CCDC7: variants seen among roughly 807,000 people sequenced by gnomAD.
CCDC7 encodes the protein coiled-coil domain-containing protein 7.
A neutral mutation model predicts 196.9 loss-of-function variants in CCDC7; 183 were observed. The observed-to-expected ratio is 0.93, with a 90% CI of 0.82 to 1.05. The LOEUF (loss-of-function observed/expected upper bound fraction) is 1.05, where lower values mean the gene tolerates loss of function less well. Ranked by LOEUF, CCDC7 falls within the 50% of genes least tolerant of loss-of-function variation. CCDC7 has a pLI of 0.00. For missense variants in CCDC7, 1,540 were observed against 1,482.2 expected (o/e 1.04, Z -0.64); for synonymous variants, 525 against 484.6 (o/e 1.08, Z -1.10).
Position 32,518,503 on chromosome 10 carries a change from G to T in CCDC7, c.991G>T (p.Glu331Ter). The T allele has an allele frequency of 6.2e-7, 1 of 1,603,844 alleles. No homozygotes were observed. The highest frequency in any genetic ancestry group is 8.5e-7 in the Non-Finnish European group (1 of 1,175,934). Residue 331 changes from glutamate (E) to a stop codon, truncating the protein, a stop_gained and splice_region_variant, in exon 11 of 42, where the codon GAG (glutamate) becomes TAG (stop). Transcript: ENST00000639629. LOFTEE classifies it high-confidence loss of function. Reference sequence around the variant, plus strand: ...TGAACTACAAAAGTTGAAGGACAAAGAGGTTGGAAAAATTTTAGTGTTTGA... The same window carrying T: ...TGAACTACAAAAGTTGAAGGACAAATAGGTTGGAAAAATTTTAGTGTTTGA...
chr10:32,681,738 T>TACACACAC (rs57829018), intron 21 of CCDC7, among the ~76,000 whole-genome samples: 4,882 of 137,544 alleles, frequency 0.035, 252 homozygotes, highest in African/African-American at 0.12. Context: ...TTTATATGTA[T>TACACACAC]ACACACACAC....
chr10:32,749,300 T>A (rs1424520895), intron 28 of CCDC7, among the ~76,000 whole-genome samples: 1 of 152,182 alleles, frequency 6.6e-6, no homozygotes, highest in Non-Finnish European at 1.5e-5. Flanking sequence ...GTTTAAAAAA[T>A]TTTTTATCTT....
chr10:32,581,973 A>G (rs1424167612), intron 16 of CCDC7, among the ~76,000 whole-genome samples: 3 of 151,690 alleles, frequency 2.0e-5, no homozygotes, highest in Non-Finnish European at 4.4e-5. Context: ...ATCAGGTTTG[A>G]GAATGAGATG....
At chr10:32,622,286 AT>A (rs144051363) in intron 18 of CCDC7, among the ~76,000 whole-genome samples, 4 of 151,684 alleles carry the variant, frequency 2.6e-5, no homozygotes, top group South Asian at 2.1e-4. Flanking sequence ...CCCTGTCTGG[AT>A]TTTTTTTTCT....
intron 30 of CCDC7, among the ~76,000 whole-genome samples, chr10:32,808,257 C>A (rs1371447803): frequency 6.6e-6 from 1 of 152,144 alleles, no homozygotes; most frequent in African/African-American, 2.4e-5. Context: ...AAAAATGCCT[C>A]CCAGGGGCCA....
At chr10:32,760,135 A>C (rs1267598249) in intron 28 of CCDC7, among the ~76,000 whole-genome samples, 1 of 152,082 alleles carries the variant, frequency 6.6e-6, no homozygotes, top group East Asian at 1.9e-4. Flanking sequence ...GAACACTTTT[A>C]CACTGTTGGT....
chr10:32,766,975 G>A (rs1201807225), intron 28 of CCDC7, among the ~76,000 whole-genome samples: 1 of 152,046 alleles, frequency 6.6e-6, no homozygotes, highest in Non-Finnish European at 1.5e-5. Context: ...AAAATTTGAT[G>A]TTTCTGTAAG....
chr10:32,688,126 G>A (rs2076673633), intron 22 of CCDC7, among the ~76,000 whole-genome samples: 1 of 152,056 alleles, frequency 6.6e-6, no homozygotes, highest in Non-Finnish European at 1.5e-5. Context: ...AGGGCACTCA[G>A]AATGAGGGGC....
At chr10:32,460,416 C>T (rs2035375285) in intron 3 of CCDC7, among the ~76,000 whole-genome samples, 1 of 152,062 alleles carries the variant, frequency 6.6e-6, no homozygotes, top group Admixed American at 6.6e-5. Flanking sequence ...CTGTGGGTTT[C>T]CTCAGTAATT....
intron 8 of CCDC7, among the ~76,000 whole-genome samples, chr10:32,476,140 G>A (rs1414435359): frequency 1.3e-5 from 2 of 152,088 alleles, no homozygotes; most frequent in Admixed American, 1.3e-4. Flanking sequence ...AATGTATCAT[G>A]TCTTGGATCC....
chr10:32,763,592 G>C (rs2077796700), intron 28 of CCDC7, among the ~76,000 whole-genome samples: 2 of 151,904 alleles, frequency 1.3e-5, no homozygotes, highest in Admixed American at 1.3e-4. Flanking sequence ...TCTGTCAGTG[G>C]ATGTATCGAT....
chr10:32,674,778 T>G (rs1258247496), intron 21 of CCDC7, among the ~76,000 whole-genome samples: 2 of 152,156 alleles, frequency 1.3e-5, no homozygotes, highest in Admixed American at 6.6e-5. Flanking sequence ...TACATATATA[T>G]ATTTTTGAGA....
chr10:32,843,814 GT>G (rs2093126359), intron 33 of CCDC7, among the ~76,000 whole-genome samples: 1 of 151,750 alleles, frequency 6.6e-6, no homozygotes, highest in Admixed American at 6.6e-5. Context: ...CTATTTTTAT[GT>G]TTCTATAGAT....
chr10:32,518,383 C>A (rs745463841), intron 10 of CCDC7, 33 bp from the exon 12 acceptor site: 65 of 1,539,682 alleles, frequency 4.2e-5, no homozygotes, highest in Non-Finnish European at 1.6e-5. Flanking sequence ...GAGAGTTTTA[C>A]TCTTCATTAT....
chr10:32,711,722 G>T (rs1315702078), exon 25 of CCDC7: 5 of 1,550,682 alleles, frequency 3.2e-6, no homozygotes, highest in Non-Finnish European at 4.4e-6. Context: ...GAAGGAGAAG[G>T]ACGTAGCAGT....
At chr10:32,639,151 C>G (rs2066236762) in intron 20 of CCDC7, among the ~76,000 whole-genome samples, 1 of 152,090 alleles carries the variant, frequency 6.6e-6, no homozygotes, top group Admixed American at 6.6e-5. Flanking sequence ...CTCTAGCGGT[C>G]TATCAATTTT....
chr10:32,690,302 G>C (rs985283094), intron 23 of CCDC7, among the ~76,000 whole-genome samples: 13 of 152,194 alleles, frequency 8.5e-5, no homozygotes, highest in African/African-American at 3.1e-4. Context: ...AGGCCATTTA[G>C]AGGTCATTAT....
chr10:32,747,312 G>T (rs2074940017), intron 28 of CCDC7, among the ~76,000 whole-genome samples: 1 of 152,184 alleles, frequency 6.6e-6, no homozygotes, highest in Non-Finnish European at 1.5e-5. Flanking sequence ...CCCTGGCAAA[G>T]ATTTCATAAC....
intron 18 of CCDC7, among the ~76,000 whole-genome samples, chr10:32,618,279 A>T (rs2062994325): frequency 6.7e-6 from 1 of 150,256 alleles, no homozygotes; most frequent in Non-Finnish European, 1.5e-5. Context: ...TTTATTTTTA[A>T]ATTGTTTTAA....
Sources: allele counts gnomAD v4.1 joint callset (sites outside exome capture counted in the v4.1 genomes callset), GRCh38; gene constraint gnomAD v4.1.1; transcripts MANE v1.5; gene names NCBI Gene and HGNC (gene_info 2026-07-23, HGNC 2026-07-21).